Variants in KDM6A observed in about 807,000 individuals in gnomAD.
The protein encoded by KDM6A is lysine demethylase 6A, also known as lysine-specific demethylase 6A.
In KDM6A, 11 loss-of-function variants were observed where a neutral mutation model predicts 117.6. The observed-to-expected ratio is 0.09, with a 90% confidence interval of 0.06 to 0.15. The LOEUF is 0.15. Ranked by LOEUF, KDM6A falls within the 10% of genes least tolerant of loss-of-function variation. The pLI is 1.00. For synonymous variants in KDM6A, 384 were observed against 396.1 expected (o/e 0.97, Z 0.36); for missense variants, 799 against 1,077.3 (o/e 0.74, Z 3.62).
chrX:45,081,334 C>T (rs1216133187), intron 21 of KDM6A, among the ~76,000 whole-genome samples: 1 of 112,074 alleles, frequency 8.9e-6, no homozygotes, highest in Non-Finnish European at 1.9e-5. Flanking sequence ...AGCCAAAGGT[C>T]AGAAGTATTG....
chrX:45,100,856 A>C (rs1166829419), intron 27 of KDM6A, among the ~76,000 whole-genome samples: 1 of 104,036 alleles, frequency 9.6e-6, no homozygotes, highest in Non-Finnish European at 2.0e-5. Context: ...TTTTTTTTTT[A>C]ATTAAAAAAA....
chrX:44,992,983 G>C (rs1453563849), intron 4 of KDM6A, among the ~76,000 whole-genome samples: 2 of 112,123 alleles, frequency 1.8e-5, no homozygotes, highest in African/African-American at 6.5e-5. Context: ...GTCATGATTA[G>C]ATAGCTGTAG....
At chrX:45,041,305 A>C (rs1279611835) in intron 8 of KDM6A, among the ~76,000 whole-genome samples, 9 of 53,128 alleles carry the variant, frequency 1.7e-4, no homozygotes, top group African/African-American at 2.3e-4. Context: ...CGGGGGGCTG[A>C]CCCCCCCACC....
intron 3 of KDM6A, among the ~76,000 whole-genome samples, chrX:44,967,942 C>G (rs2039117588): frequency 8.9e-6 from 1 of 112,346 alleles, no homozygotes; most frequent in Non-Finnish European, 1.9e-5. Context: ...TATTTTAAGT[C>G]TTAAAATAGT....
intron 3 of KDM6A, among the ~76,000 whole-genome samples, chrX:44,969,411 CTTTTTT>C (rs11288771): frequency 2.8e-5 from 1 of 35,982 alleles, no homozygotes; most frequent in Non-Finnish European, 4.8e-5. Context: ...CTCTTTTTAT[CTTTTTT>C]TTTTTTTTTT....
intron 2 of KDM6A, among the ~76,000 whole-genome samples, chrX:44,908,934 T>C (rs1285888605): frequency 8.9e-6 from 1 of 112,449 alleles, no homozygotes; most frequent in East Asian, 2.8e-4. Flanking sequence ...TTTTTGTTTT[T>C]AAGGAAACTT....
intron 18 of KDM6A, among the ~76,000 whole-genome samples, chrX:45,074,319 A>G (rs1391069493): frequency 1.8e-5 from 2 of 111,865 alleles, no homozygotes; most frequent in Non-Finnish European, 3.8e-5. Flanking sequence ...GGATTTTTAT[A>G]TGAAAGTTTT....
At chrX:44,951,968 A>C (rs2038034182) in intron 2 of KDM6A, among the ~76,000 whole-genome samples, 1 of 112,225 alleles carries the variant, frequency 8.9e-6, no homozygotes, top group African/African-American at 3.2e-5. Flanking sequence ...AAGTATATGT[A>C]AGTTGCTTAG....
rs939421836 is a variant in KDM6A at position 45,111,666 on chromosome X, G to A, written c.*255G>A. Reference sequence around the variant, plus strand: ...GTTTTGTATATATCTGACAAAACTGGCAACATCTTACAGACTACTGACTTG... The same window carrying A: ...GTTTTGTATATATCTGACAAAACTGACAACATCTTACAGACTACTGACTTG... On this transcript the variant is annotated 3_prime_UTR_variant, in exon 30 of 30. Coordinates refer to ENST00000611820, the MANE Select transcript of KDM6A (RefSeq NM_001291415.2). The A allele has an allele frequency of 2.7e-4, 88 of 330,389 alleles. No individual in the cohort carries two copies. The highest frequency in any genetic ancestry group is 4.8e-5 in the Non-Finnish European group (9 of 188,870). 27.2% of individuals were successfully genotyped at this position (330,389 alleles called of 1,213,427 possible).
intron 6 of KDM6A, among the ~76,000 whole-genome samples, chrX:45,027,336 A>AACACACACACACAGAC (rs2042415801): frequency 1.0e-5 from 1 of 98,137 alleles, no homozygotes; most frequent in African/African-American, 3.8e-5. Context: ...CATAGTGTGA[A>AACACACACACACAGAC]ACACACACAC....
At chrX:44,971,166 G>A in intron 3 of KDM6A, among the ~76,000 whole-genome samples, 1 of 111,507 alleles carries the variant, frequency 9.0e-6, no homozygotes, top group Non-Finnish European at 1.9e-5. Context: ...GATAAATTTG[G>A]TTTGCTTTTC....
intron 2 of KDM6A, among the ~76,000 whole-genome samples, chrX:44,891,058 A>T (rs2033320477): frequency 9.3e-6 from 1 of 107,202 alleles, no homozygotes; most frequent in Admixed American, 1.0e-4. Flanking sequence ...CAGTTTTGAG[A>T]TTTCTTTATA....
intron 2 of KDM6A, among the ~76,000 whole-genome samples, chrX:44,931,532 A>G (rs2036626523): frequency 8.9e-6 from 1 of 111,927 alleles, no homozygotes; most frequent in African/African-American, 3.2e-5. Flanking sequence ...TGCAGCCCTT[A>G]TAAGGAAATC....
At chrX:45,086,246 A>G in intron 25 of KDM6A, 1 of 293,153 alleles carries the variant, frequency 3.4e-6, no homozygotes, top group East Asian at 7.2e-5. Context: ...TTTAATTTTT[A>G]AAATGATGCA....
chrX:45,031,964 T>C, intron 6 of KDM6A, among the ~76,000 whole-genome samples: 1 of 108,999 alleles, frequency 9.2e-6, no homozygotes, highest in East Asian at 2.8e-4. Context: ...TCAACAGAAA[T>C]AGTAATGAAT....
At chrX:45,065,787 T>C (rs2044505853) in intron 17 of KDM6A, among the ~76,000 whole-genome samples, 1 of 111,972 alleles carries the variant, frequency 8.9e-6, no homozygotes, top group African/African-American at 3.2e-5. Context: ...GCTAGGAAAT[T>C]GAAGAACTAG....
In KDM6A at chrX:45,054,972, A is replaced by T. The variant is rs919473683; in HGVS notation, c.875+1017A>T. Among the ~76,000 whole-genome samples, 3 of 111,499 alleles carry T rather than the reference A, an allele frequency of 2.7e-5. No homozygotes were observed. The Admixed American group carries it at 2.9e-4, about 11-fold the overall frequency. On this transcript the variant is annotated intron_variant, in intron 10 of 29. Transcript: ENST00000611820. The stretch of plus-strand genomic sequence containing the variant: ...GTAGAGACTAGGGATGCTGCTAAAC[A>T]TCCTACAATGCGCAGGACAGTCCTC...
chrX:45,086,552 C>T (rs1291600468), intron 25 of KDM6A, among the ~76,000 whole-genome samples: 2 of 111,822 alleles, frequency 1.8e-5, no homozygotes, highest in East Asian at 2.8e-4. Context: ...CTGCCTGGGC[C>T]TCCTACAGTG....
rs749563708 is a variant in KDM6A, at chrX:45,069,826, T to C, written c.2327T>C (p.Ile776Thr). The change falls in exon 18 of 30, where the codon ATA becomes ACA. Residue 776 changes from isoleucine to threonine, a missense_variant. Ile to Thr is a moderately conservative substitution (Grantham distance 89). Around this residue, in one of 8 missense-constraint regions of KDM6A, gnomAD observed 301 missense variants for 318.3 expected, o/e 0.95. Coordinates refer to ENST00000611820, the MANE Select transcript of KDM6A (RefSeq NM_001291415.2). ...AAAGAGAGCAAGCCTTCAGGAAACA[T>C]ATTGACGGTGCCTGAAACAAGCAGG... ...LTKESKPSGNILTVPETSRHT... is the reference protein window; with the variant it reads ...LTKESKPSGNTLTVPETSRHT... 11 of 1,209,302 alleles carry C rather than the reference T, an allele frequency of 9.1e-6. No homozygotes were observed. The African/African-American group carries it at 1.9e-4, about 21-fold the overall frequency.
Sources: gnomAD v4.1 joint callset for allele counts (sites outside exome capture counted in the v4.1 genomes callset) on GRCh38, gnomAD v4.1.1 for gene constraint, gnomAD v4.1.1 regional missense constraint, MANE v1.5 for transcripts, NCBI Gene and HGNC (gene_info 2026-07-23, HGNC 2026-07-21) for gene names.